Variants in BCAT1 observed in about 807,000 individuals in gnomAD.
BCAT1 encodes branched chain amino acid transaminase 1.
BCAT1 carries 48 observed loss-of-function variants against 52.4 expected under a neutral mutation model. The ratio of observed to expected loss-of-function variants is 0.92; its 90% CI spans 0.73 to 1.16. The LOEUF (loss-of-function observed/expected upper bound fraction) is 1.16, where lower values mean the gene tolerates loss of function less well. BCAT1 is among the 50% of genes most tolerant of loss of function. BCAT1 has a pLI of 0.00. For synonymous variants in BCAT1, 167 were observed against 161.3 expected (o/e 1.04, Z -0.27); for missense variants, 451 against 457.1 (o/e 0.99, Z 0.12).
intron 10 of BCAT1, among the ~76,000 whole-genome samples, chr12:24,828,993 C>T (rs1427711392): frequency 2.7e-5 from 4 of 150,898 alleles, no homozygotes; most frequent in African/African-American, 4.9e-5. Flanking sequence ...GGTGACACAG[C>T]GAGACTTAGT....
intron 5 of BCAT1, among the ~76,000 whole-genome samples, chr12:24,876,261 A>T (rs957886488): frequency 2.2e-4 from 4 of 18,478 alleles, no homozygotes; most frequent in Non-Finnish European, 2.5e-4. Flanking sequence ...AGGGAGATGT[A>T]AAAAAAAAAA....
chr12:24,892,247 T>C (rs757571273), intron 3 of BCAT1, among the ~76,000 whole-genome samples: 1 of 152,034 alleles, frequency 6.6e-6, no homozygotes, highest in Non-Finnish European at 1.5e-5. Context: ...GGAGGGCTCA[T>C]TTCCCAAGAA....
At chr12:24,896,753 T>C (rs1392155093) in intron 2 of BCAT1, among the ~76,000 whole-genome samples, 7 of 151,526 alleles carry the variant, frequency 4.6e-5, no homozygotes, top group South Asian at 2.1e-4. Flanking sequence ...GCAATAAGAG[T>C]GGAACTCCAT....
chr12:24,926,278 C>T (rs945643088), intron 1 of BCAT1, among the ~76,000 whole-genome samples: 15 of 152,042 alleles, frequency 9.9e-5, no homozygotes, highest in Middle Eastern at 3.4e-3. Flanking sequence ...ACCCGGCAGC[C>T]GCCCCATCTG....
intron 1 of BCAT1, chr12:24,903,221 CCGAAGCGGTTGT>C: frequency 2.1e-6 from 2 of 935,986 alleles, no homozygotes; most frequent in Non-Finnish European, 2.8e-6. Context: ...GTCGCTAAAA[CCGAAGCGGTTGT>C]CCCTGTCACC....
upstream of BCAT1, chr12:24,949,258 C>T (rs2029986): frequency 0.092 from 42,023 of 454,492 alleles, 2,259 homozygotes; most frequent in Non-Finnish European, 0.12. Flanking sequence ...TCACTGCTCA[C>T]TCCCGGGGTG....
chr12:24,823,237 T>A (rs1940223098), intron 10 of BCAT1, among the ~76,000 whole-genome samples: 1 of 151,642 alleles, frequency 6.6e-6, no homozygotes, highest in Non-Finnish European at 1.5e-5. Flanking sequence ...TTTGTTTGTT[T>A]GTTTGTTTGC....
chr12:24,891,105 G>A (rs1435042234), intron 3 of BCAT1, among the ~76,000 whole-genome samples: 1 of 152,122 alleles, frequency 6.6e-6, no homozygotes, highest in Non-Finnish European at 1.5e-5. Context: ...TGAGGCTAGG[G>A]CGTAAACAGC....
At chr12:24,862,280 G>C (rs1941866085) in intron 5 of BCAT1, among the ~76,000 whole-genome samples, 1 of 152,126 alleles carries the variant, frequency 6.6e-6, no homozygotes, top group African/African-American at 2.4e-5. Context: ...TTGTGGTCTA[G>C]ACTGGTATCC....
At chr12:24,829,929 G>C (rs1236579973) in intron 9 of BCAT1, 32 bp from the exon 10 acceptor site, 1 of 1,513,568 alleles carries the variant, frequency 6.6e-7, no homozygotes, top group East Asian at 2.3e-5. Context: ...GATAATTTGA[G>C]GGTACTCATG....
intron 5 of BCAT1, among the ~76,000 whole-genome samples, chr12:24,858,623 C>T (rs539761193): frequency 2.0e-5 from 3 of 152,288 alleles, no homozygotes; most frequent in South Asian, 2.1e-4. Context: ...TTCTGTCTGG[C>T]GTCCTAGGCT....
intron 3 of BCAT1, among the ~76,000 whole-genome samples, chr12:24,889,040 T>C (rs924467535): frequency 4.6e-5 from 7 of 152,150 alleles, no homozygotes; most frequent in African/African-American, 1.7e-4. Context: ...TCATACCTGA[T>C]CAAACCAACC....
intron 1 of BCAT1, among the ~76,000 whole-genome samples, chr12:24,932,586 T>A (rs559549761): frequency 1.6e-4 from 24 of 152,380 alleles, no homozygotes; most frequent in African/African-American, 5.3e-4. Flanking sequence ...ATACTTACAG[T>A]ACTTACATAG....
chr12:24,888,733 T>C lies in BCAT1; in HGVS notation c.279+5542A>G, dbSNP rs546975420. Among the ~76,000 whole-genome samples, 51 of 152,238 alleles carry C rather than the reference T, an allele frequency of 3.4e-4. No homozygotes were observed. The South Asian group carries it at 0.01, about 31-fold the overall frequency. On this transcript the variant is annotated intron_variant, in intron 3 of 10. Transcript: ENST00000261192. Reference sequence around the variant, plus strand: ...GATTCCTATGACACTATAATAATGATACAGGAGTTAAGAAATCACCTGCAG... The same window carrying C: ...GATTCCTATGACACTATAATAATGACACAGGAGTTAAGAAATCACCTGCAG...
intron 10 of BCAT1, among the ~76,000 whole-genome samples, chr12:24,825,141 A>G (rs148769201): frequency 0.8 from 114,884 of 142,864 alleles, 46,057 homozygotes; most frequent in Admixed American, 0.85. Flanking sequence ...GTGTGTATAT[A>G]TATATATATA....
At chr12:24,943,715 T>TG (rs2139765966) in intron 1 of BCAT1, among the ~76,000 whole-genome samples, 1 of 152,276 alleles carries the variant, frequency 6.6e-6, no homozygotes, top group East Asian at 1.9e-4. Context: ...CCGGGAGCGG[T>TG]GGCTCACGCC....
At chr12:24,853,175 C>T (rs7961688) in intron 5 of BCAT1, among the ~76,000 whole-genome samples, 114,727 of 152,114 alleles carry the variant, frequency 0.75, 43,584 homozygotes, top group East Asian at 0.83. Flanking sequence ...CTGTCCACAA[C>T]AACAAAGACA....
intron 3 of BCAT1, among the ~76,000 whole-genome samples, chr12:24,889,654 C>G (rs117121924): frequency 0.06 from 9,098 of 152,272 alleles, 349 homozygotes; most frequent in Non-Finnish European, 0.079. Context: ...GAAGCAGAAT[C>G]TCTCTGACCT....
At chr12:24,924,685 T>C (rs983700963) in intron 1 of BCAT1, among the ~76,000 whole-genome samples, 5 of 151,958 alleles carry the variant, frequency 3.3e-5, no homozygotes, top group Non-Finnish European at 7.4e-5. Context: ...AACACACAAA[T>C]ATTGATCCGT....
Sources: allele counts gnomAD v4.1 joint callset (sites outside exome capture counted in the v4.1 genomes callset), GRCh38; gene constraint gnomAD v4.1.1; transcripts MANE v1.5; gene names NCBI Gene and HGNC (gene_info 2026-07-23, HGNC 2026-07-21).